The following LRRN2 variants were observed in gnomAD, a reference collection of about 807,000 sequenced individuals.
LRRN2 encodes the protein leucine-rich repeat neuronal protein 2.
A neutral mutation model predicts 35.7 loss-of-function variants in LRRN2; 10 were observed. The ratio of observed to expected loss-of-function variants is 0.28; its 90% CI spans 0.17 to 0.47. LRRN2 has a LOEUF of 0.47. LRRN2 is among the 20% of genes least tolerant of loss of function. The pLI, the probability that LRRN2 is intolerant of heterozygous loss-of-function variation, is 0.99. For missense variants in LRRN2, 731 were observed against 940.3 expected (o/e 0.78, Z 2.91); for synonymous variants, 391 against 409.6 (o/e 0.95, Z 0.55).
intron 1 of LRRN2, among the ~76,000 whole-genome samples, chr1:204,675,717 T>G (rs1274611841): frequency 6.6e-6 from 1 of 152,244 alleles, no homozygotes; most frequent in Admixed American, 6.5e-5. Context: ...TATTCACAGG[T>G]TCTAGGGATT....
chr1:204,633,723 C>T (rs949563357), intron 1 of LRRN2, among the ~76,000 whole-genome samples: 3 of 152,246 alleles, frequency 2.0e-5, no homozygotes, highest in Admixed American at 6.5e-5. Flanking sequence ...GCTCTAACCC[C>T]GATCCCACAT....
chr1:204,678,781 C>A (rs943711943), intron 1 of LRRN2, among the ~76,000 whole-genome samples: 11 of 152,172 alleles, frequency 7.2e-5, no homozygotes, highest in Non-Finnish European at 1.6e-4. Flanking sequence ...CCACCCTGCA[C>A]AAGATAACAA....
chr1:204,651,774 G>A (rs547554659), intron 1 of LRRN2, among the ~76,000 whole-genome samples: 31 of 152,258 alleles, frequency 2.0e-4, no homozygotes, highest in Middle Eastern at 3.4e-3. Flanking sequence ...CTGGGGAATC[G>A]CTCAGAAAAC....
chr1:204,664,812 C>G (rs1405537986), intron 1 of LRRN2, among the ~76,000 whole-genome samples: 1 of 152,170 alleles, frequency 6.6e-6, no homozygotes, highest in Non-Finnish European at 1.5e-5. Flanking sequence ...CTGCCTTGTG[C>G]CCATTCTCCC....
chr1:204,622,456 G>A (rs182223400), intron 1 of LRRN2, among the ~76,000 whole-genome samples: 3 of 152,302 alleles, frequency 2.0e-5, no homozygotes, highest in Admixed American at 6.5e-5. Context: ...TCTGAAGGTG[G>A]GAAAAACAAC....
intron 1 of LRRN2, among the ~76,000 whole-genome samples, chr1:204,654,598 C>T (rs377166018): frequency 4.6e-5 from 7 of 152,188 alleles, no homozygotes; most frequent in African/African-American, 1.2e-4. Context: ...CTCTCCCTGG[C>T]GGTACTCATA....
rs560954582 is a variant in LRRN2, at chr1:204,652,649, C to T, written c.-226-32431G>A. On this transcript the variant is annotated intron_variant, in intron 1 of 1. Coordinates refer to ENST00000367177, the MANE Select transcript of LRRN2 (RefSeq NM_201630.2). ...TTTCTAATATGAGAGCTTGCACCTC[C>T]CATCCTGGATCCCAGCCCTCCAATC... Among the ~76,000 whole-genome samples the T allele has an allele frequency of 2.6e-5, 4 of 152,242 alleles. No homozygotes were observed. In the South Asian group the frequency reaches 8.3e-4, roughly 32 times the overall value.
chr1:204,666,672 A>C (rs544995046), intron 1 of LRRN2, among the ~76,000 whole-genome samples: 4 of 152,352 alleles, frequency 2.6e-5, no homozygotes, highest in African/African-American at 9.6e-5. Context: ...CTGAATACAA[A>C]AAAAGCCACT....
rs1558422408 is a variant in LRRN2 at position 204,671,395 on chromosome 1, T to TGTGTGTG, written c.-227+13924_-227+13925insCACACAC. ...TGAGTTTGTAGAAGTAGCAATCTGT[T>TGTGTGTG]TGTGTGTTTGTGTGTGTGTGTGTGT... On this transcript the variant is annotated intron_variant, in intron 1 of 1. Transcript: ENST00000367177. Among the ~76,000 whole-genome samples the TGTGTGTG allele has an allele frequency of 8.3e-3, 1,176 of 141,510 alleles. 6 individuals carry two copies. Among genetic ancestry groups the TGTGTGTG allele is most frequent in the Non-Finnish European group, 0.011 (738 of 66,236 alleles). The allele number at this position is 141,510 out of a possible 152,430, so 92.8% of individuals were successfully genotyped here. A position where few individuals can be genotyped will look rare whatever the true frequency, so the allele number is the denominator to read the frequency against.
intron 1 of LRRN2, among the ~76,000 whole-genome samples, chr1:204,667,164 G>A (rs920142585): frequency 6.6e-6 from 1 of 152,078 alleles, no homozygotes; most frequent in African/African-American, 2.4e-5. Context: ...CTTGATTGTG[G>A]TGGATTTACA....
rs571550039 is a variant in LRRN2 at position 204,656,904 on chromosome 1, C to A, written c.-227+28416G>T. Among the ~76,000 whole-genome samples, 4 of 152,320 alleles carry A rather than the reference C, an allele frequency of 2.6e-5. No individual in the cohort carries two copies. The South Asian group carries it at 8.3e-4, about 32-fold the overall frequency. On this transcript the variant is annotated intron_variant, in intron 1 of 1. Transcript: ENST00000367177. ...TCGCCATCTGCAAAGTAATCATCTT[C>A]ATTGAAGGAAACAACATATTTTAAG... is the stretch of plus-strand genomic sequence containing the variant.
chr1:204,652,271 G>GCCCCCCCGCCCCCCCGCC, intron 1 of LRRN2, among the ~76,000 whole-genome samples: 1 of 70,640 alleles, frequency 1.4e-5, no homozygotes, highest in East Asian at 2.9e-4. Flanking sequence ...CCCCCCCCCC[G>GCCCCCCCGCCCCCCCGCC]CCCCCCCGCC....
intron 1 of LRRN2, among the ~76,000 whole-genome samples, chr1:204,656,083 GTA>G (rs72126375): frequency 0.39 from 58,419 of 151,534 alleles, 12,922 homozygotes; most frequent in Admixed American, 0.5. Context: ...CTAATTTTTC[GTA>G]TTTTTAGTAG....
chr1:204,666,909 C>G (rs934439651), intron 1 of LRRN2, among the ~76,000 whole-genome samples: 1 of 137,332 alleles, frequency 7.3e-6, no homozygotes, highest in Non-Finnish European at 1.5e-5. Flanking sequence ...TTGCAGTGAG[C>G]CAAGATCATG....
At chr1:204,682,039 A>G (rs554295263) in intron 1 of LRRN2, among the ~76,000 whole-genome samples, 48 of 152,222 alleles carry the variant, frequency 3.2e-4, no homozygotes, top group Non-Finnish European at 5.4e-4. Flanking sequence ...TGTAGGCTTG[A>G]AAGCTTCTAG....
chr1:204,656,968 A>G (rs1290372687), intron 1 of LRRN2, among the ~76,000 whole-genome samples: 1 of 152,180 alleles, frequency 6.6e-6, no homozygotes, highest in Non-Finnish European at 1.5e-5. Context: ...CTTAAAAAAT[A>G]AAAATCACCC....
At chr1:204,630,529 G>A (rs932943744) in intron 1 of LRRN2, among the ~76,000 whole-genome samples, 4 of 152,054 alleles carry the variant, frequency 2.6e-5, no homozygotes, top group Non-Finnish European at 4.4e-5. Flanking sequence ...AAGTCACGCC[G>A]CGGAAGGAGT....
intron 1 of LRRN2, among the ~76,000 whole-genome samples, chr1:204,638,441 TCGC>T (rs1667895686): frequency 8.6e-6 from 1 of 116,594 alleles, no homozygotes; most frequent in Non-Finnish European, 1.7e-5. Flanking sequence ...AGACGGAGTC[TCGC>T]TCTGTCGCCC....
At chr1:204,622,657 A>C (rs142241917) in intron 1 of LRRN2, among the ~76,000 whole-genome samples, 3 of 152,000 alleles carry the variant, frequency 2.0e-5, no homozygotes, top group Non-Finnish European at 4.4e-5. Context: ...AGGTGGGTGG[A>C]AAGGAAGGAG....
Sources: allele counts gnomAD v4.1 joint callset (sites outside exome capture counted in the v4.1 genomes callset), GRCh38; gene constraint gnomAD v4.1.1; transcripts MANE v1.5; gene names NCBI Gene and HGNC (gene_info 2026-07-23, HGNC 2026-07-21).